The following SYN3 variants were observed in gnomAD, a reference collection of about 807,000 sequenced individuals.
The protein encoded by SYN3 is synapsin III, also known as synapsin-3.
A neutral mutation model predicts 65.8 loss-of-function variants in SYN3; 35 were observed. The observed-to-expected ratio is 0.53, with a 90% confidence interval of 0.41 to 0.70. The LOEUF (loss-of-function observed/expected upper bound fraction) is 0.70, where lower values mean the gene tolerates loss of function less well. Ranked by LOEUF, SYN3 falls within the 30% of genes least tolerant of loss-of-function variation. The pLI, the probability that SYN3 is intolerant of heterozygous loss-of-function variation, is 0.00. For synonymous variants in SYN3, 270 were observed against 292.9 expected (o/e 0.92, Z 0.80); for missense variants, 680 against 749.0 (o/e 0.91, Z 1.08).
At chr22:33,036,381 A>C (rs2053859523) in intron 1 of SYN3, among the ~76,000 whole-genome samples, 1 of 152,184 alleles carries the variant, frequency 6.6e-6, no homozygotes, top group Non-Finnish European at 1.5e-5. Flanking sequence ...GCAGTTGAGA[A>C]GAAGCAGATA....
intron 4 of SYN3, among the ~76,000 whole-genome samples, chr22:32,898,216 G>A (rs9606998): frequency 0.11 from 16,538 of 152,146 alleles, 1,399 homozygotes; most frequent in East Asian, 0.44. Context: ...GGCGGGTCTC[G>A]AACTCCTGAC....
chr22:32,969,046 CA>C (rs1428682847), intron 3 of SYN3, among the ~76,000 whole-genome samples: 4 of 152,188 alleles, frequency 2.6e-5, no homozygotes, highest in African/African-American at 9.7e-5. Context: ...TCTCATTTAT[CA>C]ATGGTACTAA....
chr22:32,545,284 A>G (rs949290454), intron 7 of SYN3, among the ~76,000 whole-genome samples: 9 of 152,208 alleles, frequency 5.9e-5, no homozygotes, highest in African/African-American at 1.9e-4. Context: ...AGAAAGTCCT[A>G]GTTTGTTTAT....
intron 6 of SYN3, among the ~76,000 whole-genome samples, chr22:32,788,618 A>G (rs1016511520): frequency 1.3e-5 from 2 of 152,220 alleles, no homozygotes; most frequent in Admixed American, 6.5e-5. Context: ...ATTAGATATT[A>G]TAAGTAATCT....
At position 32,614,576 on chromosome 22, in the gene SYN3, A is replaced by T. The variant is rs770887409; in HGVS notation, c.712-17840T>A. Among the ~76,000 whole-genome samples, 22 of 152,302 alleles carry T rather than the reference A, an allele frequency of 1.4e-4. No homozygotes were observed. The East Asian group carries it at 3.9e-3, about 27-fold the overall frequency. ...GTGGGGAGGTGGGGACTCACAGGTC[A>T]CCCAGAGCAGCAGAGCTCCTTCATC... On this transcript the variant is annotated intron_variant, in intron 6 of 13. Coordinates refer to ENST00000358763, the MANE Select transcript of SYN3 (RefSeq NM_003490.4).
intron 4 of SYN3, among the ~76,000 whole-genome samples, chr22:32,885,433 G>C (rs1407954764): frequency 6.6e-6 from 1 of 152,116 alleles, no homozygotes; most frequent in African/African-American, 2.4e-5. Flanking sequence ...CTGGTGCCCC[G>C]GGCCATACCC....
intron 6 of SYN3, among the ~76,000 whole-genome samples, chr22:32,804,520 T>C (rs1255319139): frequency 2.0e-5 from 3 of 152,180 alleles, no homozygotes; most frequent in East Asian, 1.9e-4. Flanking sequence ...AAAACCATCA[T>C]GGTGGTTTTC....
chr22:32,882,198 T>G (rs1427546166), intron 4 of SYN3, among the ~76,000 whole-genome samples: 1 of 152,102 alleles, frequency 6.6e-6, no homozygotes, highest in Non-Finnish European at 1.5e-5. Flanking sequence ...TCCAGCCTCC[T>G]CCCCTGCCCA....
At chr22:32,795,073 G>A (rs2046399983) in intron 6 of SYN3, among the ~76,000 whole-genome samples, 1 of 152,206 alleles carries the variant, frequency 6.6e-6, no homozygotes, top group South Asian at 2.1e-4. Flanking sequence ...CTCCAGCTGT[G>A]GACCGTGGGG....
intron 3 of SYN3, among the ~76,000 whole-genome samples, chr22:32,961,301 T>C (rs1391197257): frequency 6.6e-6 from 1 of 152,112 alleles, no homozygotes; most frequent in South Asian, 2.1e-4. Flanking sequence ...AGGCTAAGCG[T>C]ATCTTCCTCT....
intron 6 of SYN3, among the ~76,000 whole-genome samples, chr22:32,673,325 C>G (rs942306560): frequency 2.2e-4 from 34 of 152,282 alleles, no homozygotes; most frequent in African/African-American, 7.7e-4. Context: ...TCTCCTCCCC[C>G]AGAGAGGGAC....
chr22:32,616,118 A>T (rs185066842), intron 6 of SYN3, among the ~76,000 whole-genome samples: 10 of 152,282 alleles, frequency 6.6e-5, no homozygotes, highest in African/African-American at 2.4e-4. Flanking sequence ...CAGGAGCCGG[A>T]GTGACAGCAC....
chr22:32,962,764 T>C (rs2051694674), intron 3 of SYN3, among the ~76,000 whole-genome samples: 2 of 152,016 alleles, frequency 1.3e-5, no homozygotes, highest in African/African-American at 4.8e-5. Context: ...AAGCAGAAAA[T>C]TGGGTTATAG....
At chr22:32,972,759 C>G (rs888721091) in intron 3 of SYN3, among the ~76,000 whole-genome samples, 8 of 151,920 alleles carry the variant, frequency 5.3e-5, no homozygotes, top group African/African-American at 1.9e-4. Flanking sequence ...TTGGGAGGCC[C>G]AGGCAGGAGG....
At chr22:32,985,743 AT>A (rs1677613781) in intron 2 of SYN3, among the ~76,000 whole-genome samples, 1 of 151,942 alleles carries the variant, frequency 6.6e-6, no homozygotes, top group Admixed American at 6.6e-5. Flanking sequence ...TTTGCTGTCT[AT>A]TTCATGGTTG....
chr22:32,565,542 G>A (rs930133975), intron 7 of SYN3, among the ~76,000 whole-genome samples: 4 of 149,574 alleles, frequency 2.7e-5, no homozygotes, highest in East Asian at 3.9e-4. Context: ...ATAGGAGACC[G>A]AATCATGCCC....
intron 6 of SYN3, among the ~76,000 whole-genome samples, chr22:32,653,882 GC>G (rs2060106468): frequency 6.6e-6 from 1 of 152,202 alleles, no homozygotes; most frequent in African/African-American, 2.4e-5. Context: ...CTCTCTCCCT[GC>G]TTCCTTTCCA....
chr22:32,907,342 A>C (rs1414668879), intron 4 of SYN3, among the ~76,000 whole-genome samples: 1 of 152,216 alleles, frequency 6.6e-6, no homozygotes, highest in Non-Finnish European at 1.5e-5. Flanking sequence ...ACATGGACCC[A>C]GGCAGTCTGA....
intron 6 of SYN3, among the ~76,000 whole-genome samples, chr22:32,790,019 C>T (rs1181800440): frequency 1.3e-5 from 2 of 152,246 alleles, no homozygotes; most frequent in South Asian, 4.1e-4. Context: ...GAGGTAGGCG[C>T]TATTGTTGTC....
Sources: gnomAD v4.1 joint callset for allele counts (sites outside exome capture counted in the v4.1 genomes callset) on GRCh38, gnomAD v4.1.1 for gene constraint, MANE v1.5 for transcripts, NCBI Gene and HGNC (gene_info 2026-07-23, HGNC 2026-07-21) for gene names.